Variants in ACYP2 observed in about 807,000 individuals in gnomAD.
The protein encoded by ACYP2 is acylphosphatase-2.
ACYP2 carries 12 observed loss-of-function variants against 11.2 expected under a neutral mutation model. The ratio of observed to expected loss-of-function variants is 1.08; its 90% CI spans 0.69 to 1.74. ACYP2 has a LOEUF of 1.74. Among genes scored for constraint, ACYP2 ranks in the 40% most tolerant of loss-of-function variants. ACYP2 has a pLI of 0.00. For missense variants in ACYP2, 134 were observed against 101.9 expected, an observed-to-expected ratio of 1.31 and a Z score of -1.35; for synonymous variants, 43 against 32.2, an observed-to-expected ratio of 1.33 and a Z score of -1.13.
chr2:54,180,846 C>T lies in ACYP2; in HGVS notation c.404+42098C>T, dbSNP rs113722004. ...CTGAGATTTCAGGCGTGAACCACTGCGCCCAGCCCAAATATATATTTGTTA... is the reference window on the plus strand; with the variant it reads ...CTGAGATTTCAGGCGTGAACCACTGTGCCCAGCCCAAATATATATTTGTTA... On this transcript the variant is annotated intron_variant, in intron 6 of 6. Coordinates refer to ENST00000607452, the MANE Select transcript of ACYP2 (RefSeq NM_001320586.2). 3.0e-3 allele frequency among the ~76,000 whole-genome samples: 454 copies of T among 152,266 alleles called. 1 individual carries two copies. Among genetic ancestry groups the T allele is most frequent in the African/African-American group, 9.8e-3 (406 of 41,546 alleles).
chr2:54,007,529 A>T (rs1673141837), intron 2 of ACYP2, among the ~76,000 whole-genome samples: 1 of 152,238 alleles, frequency 6.6e-6, no homozygotes, highest in African/African-American at 2.4e-5. Context: ...CTGGGATTAC[A>T]GGCGTGAGCC....
rs1310700942 is a variant in ACYP2, at chr2:54,010,485, A to G, written c.62+36675A>G. Among the ~76,000 whole-genome samples the G allele has an allele frequency of 5.4e-4, 13 of 23,946 alleles. No homozygotes were observed. The African/African-American group carries it at 5.8e-3, about 11-fold the overall frequency. 15.7% of individuals were successfully genotyped at this position (23,946 alleles called of 152,430 possible). ...GGCAACAAGAGTTAAACTCTGTCTCAAAAAAAAAAAAAAGTCATGAACCAT... is the reference window on the plus strand; with the variant it reads ...GGCAACAAGAGTTAAACTCTGTCTCGAAAAAAAAAAAAAGTCATGAACCAT... On this transcript the variant is annotated intron_variant, in intron 2 of 6. Transcript: ENST00000607452.
chr2:54,185,254 T>C (rs1433810982), intron 6 of ACYP2, among the ~76,000 whole-genome samples: 1 of 152,206 alleles, frequency 6.6e-6, no homozygotes, highest in Admixed American at 6.6e-5. Context: ...AATGGTTTGC[T>C]GGTAGCTTTT....
At chr2:54,054,434 G>A (rs772425451) in intron 3 of ACYP2, among the ~76,000 whole-genome samples, 2 of 152,224 alleles carry the variant, frequency 1.3e-5, no homozygotes, top group Non-Finnish European at 2.9e-5. Context: ...GAAGTTCGAA[G>A]TCCTTGTGAT....
chr2:54,187,593 G>C (rs186821888), intron 6 of ACYP2, among the ~76,000 whole-genome samples: 1 of 152,326 alleles, frequency 6.6e-6, no homozygotes, highest in East Asian at 1.9e-4. Flanking sequence ...ATACATCAGG[G>C]CTGCCATGTG....
At chr2:53,971,874 A>T (rs1671145749) in intron 1 of ACYP2, among the ~76,000 whole-genome samples, 1 of 152,248 alleles carries the variant, frequency 6.6e-6, no homozygotes, top group African/African-American at 2.4e-5. Context: ...CTAAAAATTC[A>T]AAGTTCAAAA....
rs540971679 is a variant in ACYP2 at position 54,035,708 on chromosome 2, T to G, written c.63-15250T>G. On this transcript the variant is annotated intron_variant, in intron 2 of 6. Coordinates refer to ENST00000607452, the MANE Select transcript of ACYP2 (RefSeq NM_001320586.2). ...AGGATTAGAATGGCTACCTATAATTTTCGGTTATAGAAGAGAGTGAAACTT... is the reference window on the plus strand; with the variant it reads ...AGGATTAGAATGGCTACCTATAATTGTCGGTTATAGAAGAGAGTGAAACTT... Among the ~76,000 whole-genome samples the G allele has an allele frequency of 6.6e-5, 10 of 152,242 alleles. 1 individual carries two copies. The South Asian group carries it at 2.1e-3, about 32-fold the overall frequency.
chr2:54,103,418 G>C, intron 4 of ACYP2, among the ~76,000 whole-genome samples: 1 of 152,150 alleles, frequency 6.6e-6, no homozygotes. Context: ...CTTAACCTTG[G>C]TCTTAATTCC....
chr2:53,981,362 A>G (rs1573438554), intron 2 of ACYP2, among the ~76,000 whole-genome samples: 5 of 152,202 alleles, frequency 3.3e-5, no homozygotes, highest in Admixed American at 2.6e-4. Context: ...TAGGGGCTCA[A>G]TAATTTTCCT....
At chr2:54,010,438 T>A (rs1673295287) in intron 2 of ACYP2, among the ~76,000 whole-genome samples, 1 of 151,974 alleles carries the variant, frequency 6.6e-6, no homozygotes, top group Non-Finnish European at 1.5e-5. Context: ...GAGCTGAGTT[T>A]GTGCCATTGC....
At chr2:54,149,433 C>T (rs966761642) in intron 6 of ACYP2, among the ~76,000 whole-genome samples, 1 of 152,180 alleles carries the variant, frequency 6.6e-6, no homozygotes, top group Non-Finnish European at 1.5e-5. Context: ...CTATATTATT[C>T]CAATTGCAGT....
In ACYP2 at chr2:54,003,502, C is replaced by T. The variant is rs143342804; in HGVS notation, c.62+29692C>T. Among the ~76,000 whole-genome samples, 563 of 152,212 alleles carry T rather than the reference C, an allele frequency of 3.7e-3. 5 individuals are homozygous for T. Among genetic ancestry groups the T allele is most frequent in the African/African-American group, 0.013 (527 of 41,514 alleles). Reference sequence around the variant, plus strand: ...CTTGAACTCCTGACCTCCAGTGATCCGCCCACCTCGGCCTCCCAAAGTGCT... The same window carrying T: ...CTTGAACTCCTGACCTCCAGTGATCTGCCCACCTCGGCCTCCCAAAGTGCT... On this transcript the variant is annotated intron_variant, in intron 2 of 6. Coordinates refer to ENST00000607452, the MANE Select transcript of ACYP2 (RefSeq NM_001320586.2).
intron 2 of ACYP2, among the ~76,000 whole-genome samples, chr2:54,038,603 T>G (rs1242213602): frequency 7.1e-6 from 1 of 141,408 alleles, no homozygotes; most frequent in Non-Finnish European, 1.5e-5. Flanking sequence ...CCTCTCTGTT[T>G]CACCAGAACC....
rs932411074 is a variant in ACYP2 at position 54,014,564 on chromosome 2, G to A, written c.63-36394G>A. Among the ~76,000 whole-genome samples, 15 of 152,050 alleles carry A rather than the reference G, an allele frequency of 9.9e-5. No homozygotes were observed. The South Asian group carries it at 1.5e-3, about 15-fold the overall frequency. ...TCAAACTCCTGACCTTAAGTGATCC[G>A]CCCACCTTGGCCTCCCAAAGTGCTG... On this transcript the variant is annotated intron_variant, in intron 2 of 6. Transcript: ENST00000607452.
rs750502337 is a variant in ACYP2 at position 54,041,054 on chromosome 2, C to CTTTTCTTTTCTTT, written c.63-9889_63-9877dup. On this transcript the variant is annotated intron_variant, in intron 2 of 6. Transcript: ENST00000607452. ...TCTGGTTCACAAGGAAAGCGGTGGCCTTTTCTTTTCTTTTTTTCTTTTCTT... is the reference window on the plus strand; with the variant it reads ...TCTGGTTCACAAGGAAAGCGGTGGCCTTTTCTTTTCTTTTTTTCTTTTCTTTTTTTCTTTTCTT... Among the ~76,000 whole-genome samples the CTTTTCTTTTCTTT allele has an allele frequency of 9.1e-4, 138 of 152,040 alleles. 3 individuals carry two copies. The South Asian group carries it at 0.028, about 30-fold the overall frequency.
intron 2 of ACYP2, among the ~76,000 whole-genome samples, chr2:54,005,554 G>C (rs1030421408): frequency 6.6e-6 from 1 of 152,126 alleles, no homozygotes; most frequent in Non-Finnish European, 1.5e-5. Context: ...GGCCAGGCTG[G>C]TCTCGATCTC....
At chr2:54,126,028 C>T (rs982711252) in intron 4 of ACYP2, among the ~76,000 whole-genome samples, 5 of 152,034 alleles carry the variant, frequency 3.3e-5, no homozygotes, top group South Asian at 2.1e-4. Flanking sequence ...TTGCAGTGAG[C>T]GGAGATTGCA....
At chr2:54,043,706 A>G (rs1370364555) in intron 2 of ACYP2, among the ~76,000 whole-genome samples, 1 of 152,192 alleles carries the variant, frequency 6.6e-6, no homozygotes, top group Admixed American at 6.5e-5. Context: ...TATGATGGAG[A>G]ACTACCATGC....
intron 4 of ACYP2, among the ~76,000 whole-genome samples, chr2:54,121,358 G>A (rs1251805466): frequency 6.6e-6 from 1 of 152,162 alleles, no homozygotes; most frequent in East Asian, 1.9e-4. Context: ...AAGGCATCGA[G>A]GAAGTTCTCA....
Sources: gnomAD v4.1 joint callset for allele counts (sites outside exome capture counted in the v4.1 genomes callset) on GRCh38, gnomAD v4.1.1 for gene constraint, MANE v1.5 for transcripts, NCBI Gene and HGNC (gene_info 2026-07-23, HGNC 2026-07-21) for gene names.